NAP1L1: variants seen among roughly 807,000 people sequenced by gnomAD.
NAP1L1 encodes nucleosome assembly protein 1-like 1.
NAP1L1 carries 9 observed loss-of-function variants against 58.9 expected under a neutral mutation model. The observed-to-expected ratio is 0.15, with a 90% CI of 0.09 to 0.27. The LOEUF is 0.27. NAP1L1 is among the 10% of genes least tolerant of loss of function. The probability of loss-of-function intolerance (pLI) is 1.00; values close to 1 mark genes in which losing one functional copy is unlikely to be tolerated. For synonymous variants in NAP1L1, 130 were observed against 138.3 expected (o/e 0.94, Z 0.42); for missense variants, 302 against 458.8 (o/e 0.66, Z 3.12).
chr12:76,052,344 C>A (rs956191147), intron 11 of NAP1L1, among the ~76,000 whole-genome samples: 1 of 152,136 alleles, frequency 6.6e-6, no homozygotes, highest in African/African-American at 2.4e-5. Context: ...TATCTTAATA[C>A]TTAAAGTAGT....
At chr12:76,074,131 C>T in intron 2 of NAP1L1, 72 bp downstream of exon 2, 1 of 1,236,356 alleles carries the variant, frequency 8.1e-7, no homozygotes, top group Non-Finnish European at 1.2e-6. Flanking sequence ...ATAATTCATA[C>T]TACTTGCTGT....
At position 76,056,047 on chromosome 12, in the gene NAP1L1, T is replaced by C. The variant is rs778516837; in HGVS notation, c.544A>G (p.Ser182Gly). The stretch of plus-strand genomic sequence containing the variant: ...AATAAAATTACCTGAACCATATCAC[T>C]GAGCAAGTCAACATTCTTAAAAACA... ...LTVFKNVDLLSDMVQEHDEPI... is the reference protein window; with the variant it reads ...LTVFKNVDLLGDMVQEHDEPI... The change falls in exon 7 of 15, where the codon AGT (serine) becomes GGT (glycine). Residue 182 changes from serine to glycine, a missense_variant. By Grantham distance (56) the Ser-to-Gly change is moderately conservative. Transcript: ENST00000618691. The C allele has an allele frequency of 6.2e-7, 1 of 1,611,662 alleles. No individual in the cohort carries two copies. The highest frequency in any genetic ancestry group is 8.5e-7 in the Non-Finnish European group (1 of 1,179,716).
intron 4 of NAP1L1, among the ~76,000 whole-genome samples, chr12:76,066,975 A>G (rs1478346250): frequency 6.6e-6 from 1 of 152,156 alleles, no homozygotes; most frequent in Non-Finnish European, 1.5e-5. Context: ...ACATATAGAC[A>G]GTAACTGAAT....
intron 4 of NAP1L1, among the ~76,000 whole-genome samples, chr12:76,064,853 CAAAGT>C (rs1949591146): frequency 6.6e-6 from 1 of 151,642 alleles, no homozygotes; most frequent in South Asian, 2.1e-4. Context: ...TCCAAAGTCC[CAAAGT>C]AAATTTTTAG....
chr12:76,073,096 C>T (rs926567843), intron 2 of NAP1L1, among the ~76,000 whole-genome samples: 1 of 151,962 alleles, frequency 6.6e-6, no homozygotes, highest in African/African-American at 2.4e-5. Flanking sequence ...ATTAAAAATG[C>T]CGTTTCCACT....
rs139208450 is a variant in NAP1L1 at position 76,054,111 on chromosome 12, C to G, written c.631-202G>C. On this transcript the variant is annotated intron_variant, in intron 8 of 14. Coordinates refer to ENST00000618691, the MANE Select transcript of NAP1L1 (RefSeq NM_004537.7). The stretch of plus-strand genomic sequence containing the variant: ...GGGGCACAATTTCAGCTCACTGCAA[C>G]CTTTGCCTCCCAGATTCAAGTGATT... 2.5e-3 allele frequency among the ~76,000 whole-genome samples: 388 copies of G among 152,318 alleles called. 4 individuals are homozygous for G. Among genetic ancestry groups the G allele is most frequent in the African/African-American group, 8.8e-3 (365 of 41,570 alleles).
At chr12:76,072,972 A>G (rs182802193) in intron 2 of NAP1L1, among the ~76,000 whole-genome samples, 127 of 152,336 alleles carry the variant, frequency 8.3e-4, no homozygotes, top group African/African-American at 2.8e-3. Flanking sequence ...AGGAGAAACA[A>G]GGTGAAACCT....
At chr12:76,066,547 T>C (rs1030382534) in intron 4 of NAP1L1, among the ~76,000 whole-genome samples, 2 of 152,048 alleles carry the variant, frequency 1.3e-5, no homozygotes, top group African/African-American at 4.8e-5. Context: ...TCAAGCATTA[T>C]GTAGAAAAGC....
intron 4 of NAP1L1, among the ~76,000 whole-genome samples, chr12:76,066,764 A>T (rs1269258670): frequency 6.6e-6 from 1 of 152,142 alleles, no homozygotes; most frequent in African/African-American, 2.4e-5. Context: ...TCCACACTCT[A>T]TGTAGGTGGC....
Position 76,068,735 on chromosome 12 carries a change from T to TACACACACACACACACACACAC in NAP1L1, c.103+152_103+173dup, listed in dbSNP as rs35120003. The TACACACACACACACACACACAC allele has an allele frequency of 8.1e-4, 240 of 294,954 alleles. 2 individuals carry two copies. Among genetic ancestry groups the TACACACACACACACACACACAC allele is most frequent in the Non-Finnish European group, 9.0e-4 (152 of 169,164 alleles). 18.3% of individuals were successfully genotyped at this position (294,954 alleles called of 1,614,324 possible). ...GCTGTATCTATACCTACCCGCCCCT[T>TACACACACACACACACACACAC]ACACACACACACACACACACACACA... On this transcript the variant is annotated intron_variant, in intron 3 of 14. Transcript: ENST00000618691.
At chr12:76,076,549 A>AATAAATATATAT (rs1950177979) in intron 1 of NAP1L1, among the ~76,000 whole-genome samples, 1 of 120,632 alleles carries the variant, frequency 8.3e-6, no homozygotes, top group Non-Finnish European at 1.7e-5. Flanking sequence ...TGGATATGGA[A>AATAAATATATAT]ATATATATAT....
Position 76,081,453 on chromosome 12 carries a change from T to C in NAP1L1, c.-21+3114A>G, listed in dbSNP as rs561179344. Among the ~76,000 whole-genome samples the C allele has an allele frequency of 1.4e-4, 22 of 152,244 alleles. No individual in the cohort carries two copies. In the South Asian group the frequency reaches 4.6e-3, roughly 32 times the overall value. ...AATTCCAAGACTGAAATTATAACTC[T>C]AGACAGGTGTGGTGGCTCACACCCA... On this transcript the variant is annotated intron_variant, in intron 1 of 14. Coordinates refer to ENST00000618691, the MANE Select transcript of NAP1L1 (RefSeq NM_004537.7).
rs1014850530 is a variant in NAP1L1 at position 76,042,143 on chromosome 12, A to T, written c.*6286T>A. Reference sequence around the variant, plus strand: ...AGTCTTAGTCTCAGTGTTCTTATGTACACTGAGTAATGCATCCCTTACACC... The same window carrying T: ...AGTCTTAGTCTCAGTGTTCTTATGTTCACTGAGTAATGCATCCCTTACACC... On this transcript the variant is annotated 3_prime_UTR_variant, in exon 15 of 15. Transcript: ENST00000618691. 1 of 152,174 alleles carries T rather than the reference A, an allele frequency of 6.6e-6. No individual in the cohort carries two copies. The highest frequency in any genetic ancestry group is 2.4e-5 in the African/African-American group (1 of 41,436). 9.4% of individuals were successfully genotyped at this position (152,174 alleles called of 1,614,324 possible).
chr12:76,074,413 C>T (rs1335521500), intron 1 of NAP1L1, 174 bp from the exon 2 acceptor site: 1 of 942,848 alleles, frequency 1.1e-6, no homozygotes, highest in East Asian at 1.2e-4. Flanking sequence ...GCAAATTCTT[C>T]CTTACTAGTA....
At chr12:76,084,179 C>T (rs555897667) in intron 1 of NAP1L1, 1 of 152,226 alleles carries the variant, frequency 6.6e-6, no homozygotes, top group Non-Finnish European at 1.5e-5. Flanking sequence ...GCCGGCTCTG[C>T]ACTCGGCCCG....
chr12:76,058,182 G>A (rs1345987609), intron 6 of NAP1L1: 5 of 522,408 alleles, frequency 9.6e-6, no homozygotes, highest in Non-Finnish European at 1.8e-5. Flanking sequence ...TGGCCAAAGG[G>A]AGAGAGGCCT....
Position 76,075,071 on chromosome 12 carries a change from A to C in NAP1L1, c.-20-832T>G, listed in dbSNP as rs1184953219. Among the ~76,000 whole-genome samples, 3 of 152,230 alleles carry C rather than the reference A, an allele frequency of 2.0e-5. No individual in the cohort carries two copies. The East Asian group carries it at 5.8e-4, about 29-fold the overall frequency. On this transcript the variant is annotated intron_variant, in intron 1 of 14. Transcript: ENST00000618691. The stretch of plus-strand genomic sequence containing the variant: ...AAACAAATCTTAAAGCAGATGTGTT[A>C]TATCCAGGCAGAAAAAAATGGTAGA...
intron 14 of NAP1L1, 127 bp from the exon 15 acceptor site, chr12:76,048,591 G>A (rs760168293): frequency 8.3e-5 from 72 of 871,172 alleles, no homozygotes; most frequent in Non-Finnish European, 1.3e-4. Context: ...TAGGACAATG[G>A]TGGTAAATTA....
At chr12:76,066,729 G>A (rs1263902127) in intron 4 of NAP1L1, among the ~76,000 whole-genome samples, 1 of 152,084 alleles carries the variant, frequency 6.6e-6, no homozygotes, top group Non-Finnish European at 1.5e-5. Flanking sequence ...TGGAAATCAT[G>A]CTAGAAGTTT....
Sources: gnomAD v4.1 joint callset for allele counts (sites outside exome capture counted in the v4.1 genomes callset) on GRCh38, gnomAD v4.1.1 for gene constraint, MANE v1.5 for transcripts, NCBI Gene and HGNC (gene_info 2026-07-23, HGNC 2026-07-21) for gene names.